The following PRRX2 variants were observed in gnomAD, a reference collection of about 807,000 sequenced individuals.
PRRX2 encodes the protein paired related homeobox 2, also known as paired mesoderm homeobox protein 2.
A neutral mutation model predicts 18.0 loss-of-function variants in PRRX2; 11 were observed. The observed-to-expected ratio is 0.61, with a 90% CI of 0.39 to 1.01. The LOEUF is 1.01. Among genes scored for constraint, PRRX2 ranks in the 50% least tolerant of loss-of-function variants. The probability of loss-of-function intolerance (pLI) is 0.01; values close to 1 mark genes in which losing one functional copy is unlikely to be tolerated. For synonymous variants in PRRX2, 177 were observed against 154.8 expected, an observed-to-expected ratio of 1.14 and a Z score of -1.06; for missense variants, 387 against 351.0, an observed-to-expected ratio of 1.10 and a Z score of -0.82.
At chr9:129,684,423 A>G (rs1832270840) in intron 1 of PRRX2, among the ~76,000 whole-genome samples, 1 of 71,138 alleles carries the variant, frequency 1.4e-5, no homozygotes, top group Non-Finnish European at 3.1e-5. Flanking sequence ...ACACACACAG[A>G]TACAACACAC....
intron 1 of PRRX2, among the ~76,000 whole-genome samples, chr9:129,682,930 C>A (rs1048866822): frequency 6.6e-6 from 1 of 151,642 alleles, no homozygotes; most frequent in Non-Finnish European, 1.5e-5. Flanking sequence ...CATGGTGAAC[C>A]CCCCCCATCT....
At chr9:129,716,667 C>G (rs1465816778) in intron 1 of PRRX2, among the ~76,000 whole-genome samples, 1 of 152,016 alleles carries the variant, frequency 6.6e-6, no homozygotes, top group Non-Finnish European at 1.5e-5. Context: ...GTTGCCCAGG[C>G]TGGTCTTGAA....
chr9:129,699,146 G>C (rs1177275868), intron 1 of PRRX2, among the ~76,000 whole-genome samples: 1 of 152,208 alleles, frequency 6.6e-6, no homozygotes, highest in Non-Finnish European at 1.5e-5. Context: ...CAATAGGCTG[G>C]GCGCAGTGGC....
chr9:129,689,027 A>G (rs1422252417), intron 1 of PRRX2, among the ~76,000 whole-genome samples: 1 of 152,148 alleles, frequency 6.6e-6, no homozygotes, highest in East Asian at 1.9e-4. Context: ...ACGAGGCCAG[A>G]AATGTTGTGT....
chr9:129,700,342 CT>C (rs34482094), intron 1 of PRRX2, among the ~76,000 whole-genome samples: 346 of 138,234 alleles, frequency 2.5e-3, no homozygotes, highest in Middle Eastern at 3.7e-3. Flanking sequence ...TTGTTGTTGG[CT>C]TTTTTTTTTT....
In PRRX2 at chr9:129,684,532, A is replaced by ACACACACACACACACACACACC. The variant is rs1165343797; in HGVS notation, c.259+18407_259+18408insACACACACACACACACACACCC. 1.3e-3 allele frequency among the ~76,000 whole-genome samples: 185 copies of ACACACACACACACACACACACC among 140,348 alleles called. 6 individuals carry two copies. Among genetic ancestry groups the ACACACACACACACACACACACC allele is most frequent in the Non-Finnish European group, 2.0e-3 (131 of 65,776 alleles). The allele number at this position is 140,348 out of a possible 152,430, so 92.1% of individuals were successfully genotyped here. A position where few individuals can be genotyped will look rare whatever the true frequency, so the allele number is the denominator to read the frequency against. ...CACACACACACACACACCCACACACACCCCAACAGAAAAGAGACCAGAAAT... is the reference window on the plus strand; with the variant it reads ...CACACACACACACACACCCACACACACACACACACACACACACACACCCCCCAACAGAAAAGAGACCAGAAAT... On this transcript the variant is annotated intron_variant, in intron 1 of 3. Transcript: ENST00000372469.
intron 1 of PRRX2, among the ~76,000 whole-genome samples, chr9:129,685,551 G>T (rs1017211624): frequency 3.3e-5 from 5 of 151,974 alleles, no homozygotes; most frequent in South Asian, 2.1e-4. Context: ...TTTTTGTAGA[G>T]ACGAGCGTCT....
intron 3 of PRRX2, among the ~76,000 whole-genome samples, chr9:129,721,436 G>T (rs548440722): frequency 7.7e-4 from 118 of 152,312 alleles, no homozygotes; most frequent in African/African-American, 2.7e-3. Flanking sequence ...TGGGCTGTGA[G>T]GGTGGCTCTG....
intron 1 of PRRX2, among the ~76,000 whole-genome samples, chr9:129,714,087 G>T (rs1382437079): frequency 1.3e-5 from 2 of 151,182 alleles, no homozygotes. Context: ...TGGATCACCT[G>T]AGGTCAGGAG....
Position 129,678,587 on chromosome 9 carries a change from G to A in PRRX2, c.259+12461G>A, listed in dbSNP as rs151255104. Among the ~76,000 whole-genome samples, 17 of 152,302 alleles carry A rather than the reference G, an allele frequency of 1.1e-4. No homozygotes were observed. The East Asian group carries it at 3.3e-3, about 29-fold the overall frequency. On this transcript the variant is annotated intron_variant, in intron 1 of 3. Coordinates refer to ENST00000372469, the MANE Select transcript of PRRX2 (RefSeq NM_016307.4). ...CAGTAGAGGAGGTCAGGGAGGGCAC[G>A]CCGGGTGGAGGAAACAGCAGACGGA... is the stretch of plus-strand genomic sequence containing the variant.
chr9:129,666,182 G>A, intron 1 of PRRX2, 56 bp downstream of exon 1: 2 of 990,628 alleles, frequency 2.0e-6, no homozygotes, highest in Non-Finnish European at 2.4e-6. Context: ...GGCCGGGGCC[G>A]GGGCGCGGGG....
At chr9:129,702,519 C>T (rs72770239) in intron 1 of PRRX2, among the ~76,000 whole-genome samples, 2,009 of 152,102 alleles carry the variant, frequency 0.013, 17 homozygotes, top group Non-Finnish European at 0.023. Context: ...GTGGCCTGTT[C>T]GACTGAGGAA....
intron 1 of PRRX2, among the ~76,000 whole-genome samples, chr9:129,688,828 A>C (rs2130917393): frequency 6.6e-6 from 1 of 151,712 alleles, no homozygotes; most frequent in South Asian, 2.1e-4. Flanking sequence ...CCCATTGTTT[A>C]CTCTCTTCAC....
chr9:129,704,490 CT>C lies in PRRX2; in HGVS notation c.260-14740del, dbSNP rs531677592. Among the ~76,000 whole-genome samples, 776 of 152,304 alleles carry C rather than the reference CT, an allele frequency of 5.1e-3. 2 individuals are homozygous for C. The highest frequency in any genetic ancestry group is 7.2e-3 in the Non-Finnish European group (492 of 68,020). ...TCTGGGTGGGCTGCTGGTAGCCCCC[CT>C]AACCCAATTGCTGGGTTGGGAATAT... is the stretch of plus-strand genomic sequence containing the variant. On this transcript the variant is annotated intron_variant, in intron 1 of 3. Transcript: ENST00000372469.
At chr9:129,682,417 G>C (rs1832244510) in intron 1 of PRRX2, among the ~76,000 whole-genome samples, 1 of 152,080 alleles carries the variant, frequency 6.6e-6, no homozygotes, top group South Asian at 2.1e-4. Flanking sequence ...CCATACCCCT[G>C]GCAACCGCAG....
intron 1 of PRRX2, among the ~76,000 whole-genome samples, chr9:129,692,373 C>T (rs867791710): frequency 1.2e-4 from 16 of 135,674 alleles, no homozygotes; most frequent in African/African-American, 4.3e-4. Flanking sequence ...GTGTTACATT[C>T]GTTACAGTCA....
Position 129,720,863 on chromosome 9 carries a change from A to G in PRRX2, c.626+89A>G, listed in dbSNP as rs2130938385. 2.2e-6 allele frequency: 3 copies of G among 1,349,282 alleles called. No homozygotes were observed. The African/African-American group carries it at 4.5e-5, about 20-fold the overall frequency. 83.6% of individuals were successfully genotyped at this position (1,349,282 alleles called of 1,614,324 possible). On this transcript the variant is annotated intron_variant, in intron 3 of 3. Transcript: ENST00000372469. Reference sequence around the variant, plus strand: ...GGCCTGGACTCCTCTGAGGGTCTGGAGAGAGCTTGAATGGTGTCCACGCGC... The same window carrying G: ...GGCCTGGACTCCTCTGAGGGTCTGGGGAGAGCTTGAATGGTGTCCACGCGC...
intron 1 of PRRX2, among the ~76,000 whole-genome samples, chr9:129,669,115 A>G (rs1010862838): frequency 3.3e-5 from 5 of 152,074 alleles, no homozygotes; most frequent in African/African-American, 1.2e-4. Context: ...CCAATGAGTT[A>G]GGAATTAATA....
intron 1 of PRRX2, among the ~76,000 whole-genome samples, chr9:129,680,696 C>T (rs915628648): frequency 3.3e-5 from 5 of 152,184 alleles, no homozygotes; most frequent in African/African-American, 7.2e-5. Context: ...CCCAACACCC[C>T]GCCCCCAGCC....
Sources: allele counts gnomAD v4.1 joint callset (sites outside exome capture counted in the v4.1 genomes callset), GRCh38; gene constraint gnomAD v4.1.1; transcripts MANE v1.5; gene names NCBI Gene and HGNC (gene_info 2026-07-23, HGNC 2026-07-21).